CNTN5: variants seen among roughly 807,000 people sequenced by gnomAD.
The protein encoded by CNTN5 is contactin 5.
Under a neutral mutation model 129.1 loss-of-function variants are expected in CNTN5, and 77 were observed. The ratio of observed to expected loss-of-function variants is 0.60; its 90% CI spans 0.50 to 0.72. CNTN5 has a LOEUF of 0.72. Among genes scored for constraint, CNTN5 ranks in the 30% least tolerant of loss-of-function variants. The probability of loss-of-function intolerance (pLI) is 0.00; values close to 1 mark genes in which losing one functional copy is unlikely to be tolerated. For missense variants in CNTN5, 1,478 were observed against 1,328.8 expected, an observed-to-expected ratio of 1.11 and a Z score of -1.75; for synonymous variants, 509 against 465.6, an observed-to-expected ratio of 1.09 and a Z score of -1.20.
intron 1 of CNTN5, among the ~76,000 whole-genome samples, chr11:99,236,453 C>T (rs1290052329): frequency 1.0e-5 from 1 of 97,962 alleles, no homozygotes; most frequent in East Asian, 3.0e-4. Flanking sequence ...AAACATTCTA[C>T]ACACACTCAC....
chr11:99,588,466 G>A (rs962408517), intron 3 of CNTN5, among the ~76,000 whole-genome samples: 1 of 151,888 alleles, frequency 6.6e-6, no homozygotes, highest in Admixed American at 6.6e-5. Context: ...TTAAGAAGAG[G>A]AAAAGAAATT....
intron 21 of CNTN5, chr11:100,309,438 C>G (rs1951424882): frequency 5.2e-6 from 5 of 967,822 alleles, no homozygotes; most frequent in Non-Finnish European, 6.1e-6. Flanking sequence ...TACAATCTTT[C>G]TAAGAGTTAC....
chr11:99,419,645 TA>T (rs1428750141), intron 2 of CNTN5, among the ~76,000 whole-genome samples: 1 of 152,160 alleles, frequency 6.6e-6, no homozygotes, highest in Non-Finnish European at 1.5e-5. Flanking sequence ...TCCCAATTTT[TA>T]AATAGTATCT....
chr11:99,184,501 C>A (rs1441376743), intron 1 of CNTN5, among the ~76,000 whole-genome samples: 3 of 152,022 alleles, frequency 2.0e-5, no homozygotes, highest in African/African-American at 7.2e-5. Context: ...ATCCTTCATA[C>A]CCATATAAAA....
At chr11:99,778,903 T>G (rs1426137669) in intron 3 of CNTN5, among the ~76,000 whole-genome samples, 2 of 129,356 alleles carry the variant, frequency 1.5e-5, no homozygotes, top group Non-Finnish European at 3.4e-5. Context: ...TTCATAGCAT[T>G]TTATTACATC....
intron 9 of CNTN5, among the ~76,000 whole-genome samples, chr11:100,020,607 T>C (rs1941089619): frequency 6.6e-6 from 1 of 152,158 alleles, no homozygotes; most frequent in East Asian, 1.9e-4. Context: ...GCATTGGCTA[T>C]TGAAGATCTT....
chr11:99,439,763 A>T (rs1403188125), intron 2 of CNTN5, among the ~76,000 whole-genome samples: 9 of 151,778 alleles, frequency 5.9e-5, no homozygotes. Context: ...TTTGTATCTA[A>T]ATCTAGATAT....
chr11:99,057,561 A>G (rs1356966189), intron 1 of CNTN5, among the ~76,000 whole-genome samples: 1 of 152,092 alleles, frequency 6.6e-6, no homozygotes, highest in Non-Finnish European at 1.5e-5. Flanking sequence ...TAAATCAATT[A>G]TGTCTTTTAT....
intron 16 of CNTN5, among the ~76,000 whole-genome samples, chr11:100,236,735 C>T (rs769302502): frequency 1.3e-5 from 2 of 152,146 alleles, no homozygotes; most frequent in Non-Finnish European, 2.9e-5. Context: ...TCCCCCGAAG[C>T]TATGCAGAGC....
intron 7 of CNTN5, among the ~76,000 whole-genome samples, chr11:99,953,931 A>G (rs1468545775): frequency 6.6e-6 from 1 of 152,032 alleles, no homozygotes; most frequent in Non-Finnish European, 1.5e-5. Context: ...TATGTCCTGG[A>G]TGATATTGCC....
chr11:99,964,422 G>GT (rs889622309), intron 8 of CNTN5, among the ~76,000 whole-genome samples: 2 of 152,136 alleles, frequency 1.3e-5, no homozygotes, highest in African/African-American at 4.8e-5. Flanking sequence ...TAATCATGTG[G>GT]TTTTTGCCGT....
At chr11:99,984,879 G>A (rs538030742) in intron 8 of CNTN5, among the ~76,000 whole-genome samples, 18 of 152,124 alleles carry the variant, frequency 1.2e-4, no homozygotes, top group Admixed American at 2.0e-4. Flanking sequence ...CAACAGGGGC[G>A]CCCCGTTTAC....
intron 3 of CNTN5, among the ~76,000 whole-genome samples, chr11:99,658,709 TAAA>T (rs370531678): frequency 7.1e-6 from 1 of 140,760 alleles, no homozygotes; most frequent in Non-Finnish European, 1.5e-5. Flanking sequence ...CTGTCTCTAC[TAAA>T]AAAAAAATAT....
chr11:99,620,831 G>A (rs955509987), intron 3 of CNTN5, among the ~76,000 whole-genome samples: 9 of 152,050 alleles, frequency 5.9e-5, no homozygotes, highest in African/African-American at 2.2e-4. Flanking sequence ...ATATAAAACT[G>A]TGAAATCATC....
intron 8 of CNTN5, among the ~76,000 whole-genome samples, chr11:99,959,340 C>T (rs1950882796): frequency 6.6e-6 from 1 of 152,154 alleles, no homozygotes; most frequent in Non-Finnish European, 1.5e-5. Context: ...TGGATTGCCT[C>T]ACGACCACCA....
At chr11:99,629,668 C>T (rs1951266287) in intron 3 of CNTN5, among the ~76,000 whole-genome samples, 1 of 91,936 alleles carries the variant, frequency 1.1e-5, no homozygotes, top group African/African-American at 3.1e-5. Flanking sequence ...TTTAAAAAAC[C>T]TTAATTCTTA....
chr11:100,273,508 G>A (rs868593418), intron 18 of CNTN5, among the ~76,000 whole-genome samples: 59 of 152,206 alleles, frequency 3.9e-4, no homozygotes, highest in Non-Finnish European at 3.1e-4. Flanking sequence ...TTAAGAATGC[G>A]CAGATGACAG....
At chr11:99,691,433 T>C (rs964175876) in intron 3 of CNTN5, among the ~76,000 whole-genome samples, 1 of 152,150 alleles carries the variant, frequency 6.6e-6, no homozygotes, top group Non-Finnish European at 1.5e-5. Flanking sequence ...GTCCCAGAGT[T>C]TCTGATGCAT....
At chr11:99,916,241 A>C in intron 7 of CNTN5, 92 bp downstream of exon 7, 1 of 945,706 alleles carries the variant, frequency 1.1e-6, no homozygotes, top group Non-Finnish European at 1.6e-6. Context: ...AGAACATTTC[A>C]GGTGAAATGT....
Sources: gnomAD v4.1 joint callset for allele counts (sites outside exome capture counted in the v4.1 genomes callset) on GRCh38, gnomAD v4.1.1 for gene constraint, MANE v1.5 for transcripts, NCBI Gene and HGNC (gene_info 2026-07-23, HGNC 2026-07-21) for gene names.